NLRC3: variants seen among roughly 807,000 people sequenced by gnomAD.
NLRC3 encodes the protein NLR family CARD domain-containing protein 3.
NLRC3 carries 87 observed loss-of-function variants against 91.6 expected under a neutral mutation model. The observed-to-expected ratio is 0.95, with a 90% CI of 0.80 to 1.14. NLRC3 has a LOEUF of 1.14. NLRC3 is among the 50% of genes most tolerant of loss of function. NLRC3 has a pLI of 0.00. For missense variants in NLRC3, 1,577 were observed against 1,418.6 expected, an observed-to-expected ratio of 1.11 and a Z score of -1.79; for synonymous variants, 694 against 625.3, an observed-to-expected ratio of 1.11 and a Z score of -1.64.
At chr16:3,549,560 G>T (rs1192924014) in intron 12 of NLRC3, 137 bp downstream of exon 12, 8 of 710,576 alleles carry the variant, frequency 1.1e-5, no homozygotes, top group Non-Finnish European at 1.2e-5. Context: ...CCCCAAGAGA[G>T]CAGGAAAAGG....
At chr16:3,569,852 G>A (rs1367454704) in intron 1 of NLRC3, among the ~76,000 whole-genome samples, 1 of 152,124 alleles carries the variant, frequency 6.6e-6, no homozygotes, top group African/African-American at 2.4e-5. Flanking sequence ...GTTTGTGACA[G>A]ATTTCTAGTT....
chr16:3,572,938 G>A (rs1489778062), intron 1 of NLRC3, among the ~76,000 whole-genome samples: 9 of 151,284 alleles, frequency 5.9e-5, no homozygotes, highest in Admixed American at 1.3e-4. Context: ...CTTGAACCCA[G>A]GAGGTGGAGG....
chr16:3,543,070 T>A (rs1195655217), intron 17 of NLRC3: 1 of 496,584 alleles, frequency 2.0e-6, no homozygotes, highest in East Asian at 3.6e-5. Flanking sequence ...TCTGGGCAGG[T>A]CCCCAGTGCT....
chr16:3,555,229 C>CAA lies in NLRC3; in HGVS notation c.2184-906_2184-905dup, dbSNP rs149218240. 3.8e-3 allele frequency among the ~76,000 whole-genome samples: 311 copies of CAA among 82,272 alleles called. 4 individuals are homozygous for CAA. The highest frequency in any genetic ancestry group is 0.029 in the South Asian group (75 of 2,546). 54.0% of individuals were successfully genotyped at this position (82,272 alleles called of 152,430 possible). A position where few individuals can be genotyped will look rare whatever the true frequency, so the allele number is the denominator to read the frequency against. ...TGGGTGACAGAGTCAGACTCCGTCT[C>CAA]AAAAAAAAAAAAAAAAAAAGTTAAA... is the stretch of plus-strand genomic sequence containing the variant. On this transcript the variant is annotated intron_variant, in intron 8 of 19. Coordinates refer to ENST00000359128, the MANE Select transcript of NLRC3 (RefSeq NM_178844.4).
Position 3,564,562 on chromosome 16 carries a change from G to A in NLRC3, c.375C>T (p.Asp125=), listed in dbSNP as rs1464505879. The change falls in exon 5 of 20, where the codon GAC becomes GAT. Residue 125 remains aspartate (D), a synonymous_variant. Coordinates refer to ENST00000359128, the MANE Select transcript of NLRC3 (RefSeq NM_178844.4). This position sits in a 1 kb window ranked among gnomAD's most constrained non-coding sequence, Gnocchi z 5.9. The part of the protein sequence containing the change: ...GGHPARTVAL[D]RLFLPLSRVS... ...CCCGGGAGAGAGGCAGGAAGAGCCGGTCCAGGGCGACGGTCCTGGCGGGGT... is the reference window on the plus strand; with the variant it reads ...CCCGGGAGAGAGGCAGGAAGAGCCGATCCAGGGCGACGGTCCTGGCGGGGT... 1 of 1,611,902 alleles carries A rather than the reference G, an allele frequency of 6.2e-7. No homozygotes were observed. Among genetic ancestry groups the A allele is most frequent in the Non-Finnish European group, 8.5e-7 (1 of 1,179,634 alleles).
intron 14 of NLRC3, 47 bp from the exon 15 acceptor site, chr16:3,548,265 G>A (rs1427097771): frequency 2.7e-6 from 4 of 1,462,804 alleles, no homozygotes; most frequent in Non-Finnish European, 3.7e-6. Context: ...GTGACTATGT[G>A]GCCCTGGGGC....
Position 3,541,041 on chromosome 16 carries a change from C to G in NLRC3, c.*784G>C, listed in dbSNP as rs2038371489. On this transcript the variant is annotated 3_prime_UTR_variant, in exon 20 of 20. Transcript: ENST00000359128. ...CCAACATGATGAAACCCCGTCTCTA[C>G]TAAAACTACAAAAATTAGCCGGGCA... 6.6e-6 allele frequency: 1 copy of G among 152,300 alleles called. No individual in the cohort carries two copies. Among genetic ancestry groups the G allele is most frequent in the East Asian group, 1.9e-4 (1 of 5,166 alleles). 9.4% of individuals were successfully genotyped at this position (152,300 alleles called of 1,614,324 possible).
intron 1 of NLRC3, among the ~76,000 whole-genome samples, chr16:3,568,268 TGAA>T (rs2039962089): frequency 6.6e-6 from 1 of 152,234 alleles, no homozygotes; most frequent in Non-Finnish European, 1.5e-5. Flanking sequence ...GTCATGGTGT[TGAA>T]GAAGTAAGGA....
chr16:3,576,025 C>T (rs1464283033), intron 1 of NLRC3, among the ~76,000 whole-genome samples: 7 of 152,204 alleles, frequency 4.6e-5, no homozygotes, highest in African/African-American at 1.7e-4. Context: ...CAGGGCCCTA[C>T]CCTGCTCACT....
At chr16:3,546,142 A>C (rs908272548) in intron 15 of NLRC3, among the ~76,000 whole-genome samples, 8 of 152,320 alleles carry the variant, frequency 5.3e-5, no homozygotes, top group African/African-American at 1.7e-4. Context: ...TCACACCTGT[A>C]ATCCTAGGAC....
chr16:3,563,922 G>C lies in NLRC3; in HGVS notation c.1015C>G (p.Leu339Val), dbSNP rs1336100599. ...PAFCRLTGMA[L>V]GHLWRSRTGP... ...GTCCTGCTGCGCCACAGGTGGCCTA[G>C]CGCCATCCCCGTGAGCCTGCAGAAG... The change falls in exon 5 of 20, where the codon CTA (leucine) becomes GTA (valine). Residue 339 changes from leucine (L) to valine (V), a missense_variant. Coordinates refer to ENST00000359128, the MANE Select transcript of NLRC3 (RefSeq NM_178844.4). 6.3e-7 allele frequency: 1 copy of C among 1,593,712 alleles called. No individual in the cohort carries two copies. The highest frequency in any genetic ancestry group is 8.5e-7 in the Non-Finnish European group (1 of 1,171,584).
In NLRC3 at chr16:3,561,791, G is replaced by A. The variant is rs772801464; in HGVS notation, c.1929-3C>T. 1.9e-6 allele frequency: 3 copies of A among 1,612,052 alleles called. No homozygotes were observed. The highest frequency in any genetic ancestry group is 3.3e-5 in the Admixed American group (2 of 60,022). On this transcript the variant is annotated splice_polypyrimidine_tract_variant and splice_region_variant and intron_variant, in intron 5 of 19. Coordinates refer to ENST00000359128, the MANE Select transcript of NLRC3 (RefSeq NM_178844.4). ...CCTGGAACTGGTTGGTGTCCAGCCTGGCCAAGGGGAGCAGTGACAGTGAGT... is the reference window on the plus strand; with the variant it reads ...CCTGGAACTGGTTGGTGTCCAGCCTAGCCAAGGGGAGCAGTGACAGTGAGT...
At chr16:3,567,537 G>A (rs1242921488) in intron 1 of NLRC3, among the ~76,000 whole-genome samples, 1 of 152,024 alleles carries the variant, frequency 6.6e-6, no homozygotes, top group Non-Finnish European at 1.5e-5. Context: ...ATTTTGGGAG[G>A]CTGAGGCAGG....
intron 9 of NLRC3, among the ~76,000 whole-genome samples, chr16:3,554,041 C>T (rs1342316042): frequency 6.6e-6 from 1 of 152,092 alleles, no homozygotes; most frequent in African/African-American, 2.4e-5. Flanking sequence ...GTCCCTGCGC[C>T]CAGCCAGGAG....
chr16:3,568,744 G>A (rs1047720580), intron 1 of NLRC3, among the ~76,000 whole-genome samples: 3 of 151,972 alleles, frequency 2.0e-5, no homozygotes, highest in African/African-American at 7.3e-5. Context: ...AAAAAAAGAT[G>A]GGATTTGAAT....
intron 2 of NLRC3, 89 bp from the exon 3 acceptor site, chr16:3,565,469 C>G: frequency 2.3e-5 from 1 of 44,180 alleles, no homozygotes; most frequent in Non-Finnish European, 4.0e-5. Context: ...TGGGAAAAAG[C>G]AAAAAAAAAA....
intron 8 of NLRC3, among the ~76,000 whole-genome samples, chr16:3,554,575 C>A (rs2039196874): frequency 6.6e-6 from 1 of 152,232 alleles, no homozygotes; most frequent in African/African-American, 2.4e-5. Context: ...ATAACCACAA[C>A]AAAGTCATCA....
intron 17 of NLRC3, 65 bp downstream of exon 17, chr16:3,543,360 C>T: frequency 9.1e-7 from 1 of 1,102,664 alleles, no homozygotes; most frequent in Non-Finnish European, 1.4e-6. Flanking sequence ...GTCCCCATAT[C>T]TATTCATTGA....
chr16:3,565,129 AGTCCCCAGGAAC>A, intron 3 of NLRC3, 69 bp from the exon 4 acceptor site: 1 of 1,231,058 alleles, frequency 8.1e-7, no homozygotes, highest in Non-Finnish European at 1.2e-6. Flanking sequence ...CAGGTGAGCA[AGTCCCCAGGAAC>A]GGGGTCAGGG....
Sources: gnomAD v4.1 joint callset for allele counts (sites outside exome capture counted in the v4.1 genomes callset) on GRCh38, gnomAD v4.1.1 for gene constraint, Gnocchi (gnomAD v3.1) non-coding constraint, MANE v1.5 for transcripts, NCBI Gene and HGNC (gene_info 2026-07-23, HGNC 2026-07-21) for gene names.